RBFOX1: variants seen among roughly 807,000 people sequenced by gnomAD.
The protein encoded by RBFOX1 is RNA binding fox-1 homolog 1, also known as RNA binding protein fox-1 homolog 1.
A neutral mutation model predicts 57.7 loss-of-function variants in RBFOX1; 8 were observed. The ratio of observed to expected loss-of-function variants is 0.14; its 90% confidence interval spans 0.08 to 0.25. The LOEUF (loss-of-function observed/expected upper bound fraction) is 0.25. Among genes scored for constraint, RBFOX1 ranks in the 10% least tolerant of loss-of-function variants. RBFOX1 has a pLI of 1.00. For missense variants in RBFOX1, 611 were observed against 548.5 expected (o/e 1.11, Z -1.14); for synonymous variants, 326 against 222.4 (o/e 1.47, Z -4.15).
rs117591612 is a variant in RBFOX1 at position 6,894,494 on chromosome 16, C to T, written c.-15-157563C>T. On this transcript the variant is annotated intron_variant, in intron 3 of 15. Coordinates refer to ENST00000550418, the MANE Select transcript of RBFOX1 (RefSeq NM_018723.4). Reference sequence around the variant, plus strand: ...TGGTTGGACTCCTGGGAATCTGTCTCATGTTTCTGTTCACACCTGCTCTCC... The same window carrying T: ...TGGTTGGACTCCTGGGAATCTGTCTTATGTTTCTGTTCACACCTGCTCTCC... Among the ~76,000 whole-genome samples the T allele has an allele frequency of 3.9e-5, 6 of 152,256 alleles. 1 individual carries two copies. The East Asian group carries it at 7.7e-4, about 20-fold the overall frequency.
intron 4 of RBFOX1, among the ~76,000 whole-genome samples, chr16:7,260,042 A>G (rs184443070): frequency 2.0e-5 from 3 of 152,196 alleles, no homozygotes; most frequent in Non-Finnish European, 4.4e-5. Flanking sequence ...TATAAGCTCC[A>G]TAAGAACAGA....
intron 1 of RBFOX1, among the ~76,000 whole-genome samples, chr16:6,239,179 C>T (rs150840494): frequency 7.5e-4 from 114 of 152,162 alleles, no homozygotes; most frequent in African/African-American, 2.1e-3. Flanking sequence ...GAATAAATAA[C>T]GGTATGAATG....
intron 2 of RBFOX1, among the ~76,000 whole-genome samples, chr16:6,554,212 T>C (rs950767896): frequency 1.3e-5 from 2 of 152,152 alleles, no homozygotes; most frequent in Admixed American, 1.3e-4. Context: ...TCCCTTTATT[T>C]CCCTACTGAG....
At chr16:7,333,006 T>C in intron 4 of RBFOX1, 2 of 1,613,688 alleles carry the variant, frequency 1.2e-6, no homozygotes, top group Non-Finnish European at 1.7e-6. Flanking sequence ...TAAAGCATGC[T>C]GGCGTCTCAA....
At chr16:6,015,669 A>C (rs2094989182), upstream of RBFOX1, among the ~76,000 whole-genome samples, 2 of 152,182 alleles carry the variant, frequency 1.3e-5, no homozygotes, top group Non-Finnish European at 2.9e-5. Flanking sequence ...GCACTTTCAT[A>C]AGCTGTATTC....
chr16:5,391,114 A>G (rs766587376), intron 1 of RBFOX1, among the ~76,000 whole-genome samples: 1 of 152,232 alleles, frequency 6.6e-6, no homozygotes, highest in Non-Finnish European at 1.5e-5. Context: ...AAGCAAAACC[A>G]GACATACACG....
At chr16:7,591,006 G>C (rs2094417140) in intron 7 of RBFOX1, among the ~76,000 whole-genome samples, 1 of 152,146 alleles carries the variant, frequency 6.6e-6, no homozygotes, top group Admixed American at 6.5e-5. Context: ...TAGCAGGAGA[G>C]ATGGACTAGG....
intron 4 of RBFOX1, among the ~76,000 whole-genome samples, chr16:7,517,309 A>G (rs541953742): frequency 1.4e-4 from 21 of 152,060 alleles, no homozygotes; most frequent in African/African-American, 4.6e-4. Flanking sequence ...TGTAATTGTC[A>G]CACTGCCTGT....
In RBFOX1 at chr16:7,342,181, G is replaced by A. The variant is rs529985077; in HGVS notation, c.28-175966G>A. Reference sequence around the variant, plus strand: ...CTCTCTGTGTTACTCTTGGTAAGTTGCTTGACCTCTCTGAACCTCCACTTC... The same window carrying A: ...CTCTCTGTGTTACTCTTGGTAAGTTACTTGACCTCTCTGAACCTCCACTTC... On this transcript the variant is annotated intron_variant, in intron 4 of 15. Coordinates refer to ENST00000550418, the MANE Select transcript of RBFOX1 (RefSeq NM_018723.4). Among the ~76,000 whole-genome samples, 14 of 152,280 alleles carry A rather than the reference G, an allele frequency of 9.2e-5. 1 individual carries two copies. The South Asian group carries it at 2.9e-3, about 32-fold the overall frequency.
chr16:6,307,132 CA>C (rs1351455326), intron 1 of RBFOX1, among the ~76,000 whole-genome samples: 1 of 152,168 alleles, frequency 6.6e-6, no homozygotes, highest in Non-Finnish European at 1.5e-5. Flanking sequence ...AAACCTGCAG[CA>C]AGTTCTTTCA....
chr16:6,051,616 T>C (rs1596715059), intron 1 of RBFOX1, among the ~76,000 whole-genome samples: 1 of 152,212 alleles, frequency 6.6e-6, no homozygotes, highest in East Asian at 1.9e-4. Flanking sequence ...ACTGCTGGGG[T>C]GCAATGGCAC....
intron 1 of RBFOX1, among the ~76,000 whole-genome samples, chr16:6,121,349 C>G (rs951087364): frequency 3.3e-5 from 5 of 152,182 alleles, no homozygotes; most frequent in Non-Finnish European, 5.9e-5. Flanking sequence ...GCTGGCCTGT[C>G]TACATGGTGG....
chr16:6,151,873 C>A (rs1194694154), intron 1 of RBFOX1, among the ~76,000 whole-genome samples: 1 of 152,140 alleles, frequency 6.6e-6, no homozygotes, highest in Non-Finnish European at 1.5e-5. Flanking sequence ...TTTGGCTGAA[C>A]TGTGTCTTGA....
intron 4 of RBFOX1, among the ~76,000 whole-genome samples, chr16:5,971,882 G>T (rs1365141457): frequency 6.6e-6 from 1 of 152,226 alleles, no homozygotes; most frequent in African/African-American, 2.4e-5. Context: ...GAGTAAAGCA[G>T]ATGGCTCCAT....
chr16:6,683,565 G>A (rs1480398171), intron 3 of RBFOX1, among the ~76,000 whole-genome samples: 1 of 152,010 alleles, frequency 6.6e-6, no homozygotes, highest in Non-Finnish European at 1.5e-5. Flanking sequence ...AAATATATAC[G>A]TTTGCATACA....
At chr16:5,981,073 T>G (rs551659974) in intron 4 of RBFOX1, among the ~76,000 whole-genome samples, 6 of 152,336 alleles carry the variant, frequency 3.9e-5, no homozygotes, top group African/African-American at 1.4e-4. Context: ...GGATGCTCAG[T>G]GGGTCCTACA....
chr16:6,484,272 G>T (rs1671971792), intron 2 of RBFOX1, among the ~76,000 whole-genome samples: 1 of 152,212 alleles, frequency 6.6e-6, no homozygotes, highest in Non-Finnish European at 1.5e-5. Context: ...AAGTTGGCAT[G>T]CTCACGTTGC....
At chr16:7,115,331 T>C (rs1159957486) in intron 4 of RBFOX1, among the ~76,000 whole-genome samples, 2 of 152,196 alleles carry the variant, frequency 1.3e-5, no homozygotes, top group African/African-American at 2.4e-5. Context: ...TTTGGATGCA[T>C]GGAAGCGAAT....
Position 6,727,608 on chromosome 16 carries a change from A to G in RBFOX1, c.-16+72958A>G, listed in dbSNP as rs147869787. Among the ~76,000 whole-genome samples, 665 of 152,164 alleles carry G rather than the reference A, an allele frequency of 4.4e-3. 3 individuals carry two copies. The highest frequency in any genetic ancestry group is 7.2e-3 in the Non-Finnish European group (488 of 68,014). On this transcript the variant is annotated intron_variant, in intron 3 of 15. Coordinates refer to ENST00000550418, the MANE Select transcript of RBFOX1 (RefSeq NM_018723.4). ...TTGAGTGGAGTTGTGCCGCCATACT[A>G]GGTTTCAGTATGAATTTGGGATAGG...
Sources: allele counts gnomAD v4.1 joint callset (sites outside exome capture counted in the v4.1 genomes callset), GRCh38; gene constraint gnomAD v4.1.1; transcripts MANE v1.5; gene names NCBI Gene and HGNC (gene_info 2026-07-23, HGNC 2026-07-21).